Variants in SPOCK1 observed in about 807,000 individuals in gnomAD.
SPOCK1 encodes SPARC (osteonectin), cwcv and kazal like domains proteoglycan 1.
SPOCK1 carries 23 observed loss-of-function variants against 55.3 expected under a neutral mutation model. The observed-to-expected ratio is 0.42, with a 90% CI of 0.30 to 0.59. The LOEUF (loss-of-function observed/expected upper bound fraction) is 0.59, where lower values mean the gene tolerates loss of function less well. SPOCK1 is among the 20% of genes least tolerant of loss of function. SPOCK1 has a pLI of 0.22. For synonymous variants in SPOCK1, 226 were observed against 221.0 expected, an observed-to-expected ratio of 1.02 and a Z score of -0.20; for missense variants, 499 against 552.5, an observed-to-expected ratio of 0.90 and a Z score of 0.97.
intron 3 of SPOCK1, among the ~76,000 whole-genome samples, chr5:137,237,404 G>T (rs2127097875): frequency 6.6e-6 from 1 of 152,258 alleles, no homozygotes; most frequent in Admixed American, 6.5e-5. Context: ...GCCATATATG[G>T]AAAATGTACA....
intron 5 of SPOCK1, among the ~76,000 whole-genome samples, chr5:137,078,385 C>T (rs1465110637): frequency 6.6e-6 from 1 of 152,298 alleles, no homozygotes; most frequent in East Asian, 1.9e-4. Flanking sequence ...GCTGCCTGTT[C>T]CCCACTGGCT....
At position 137,420,033 on chromosome 5, in the gene SPOCK1, T is replaced by C. The variant is rs549484381; in HGVS notation, c.186+78340A>G. On this transcript the variant is annotated intron_variant, in intron 2 of 10. Transcript: ENST00000394945. The stretch of plus-strand genomic sequence containing the variant: ...TGTGTTGAATTTTGTCAAAGGCCTT[T>C]TCTGCATCTATTGAGATAATCATAT... Among the ~76,000 whole-genome samples the C allele has an allele frequency of 5.7e-3, 861 of 152,368 alleles. 5 individuals are homozygous for C. Among genetic ancestry groups the C allele is most frequent in the Non-Finnish European group, 9.4e-3 (639 of 68,034 alleles).
chr5:137,307,484 G>A (rs1757717548), intron 2 of SPOCK1, among the ~76,000 whole-genome samples: 2 of 152,198 alleles, frequency 1.3e-5, no homozygotes, highest in Non-Finnish European at 2.9e-5. Flanking sequence ...CTATGCTGAA[G>A]CTTCTCTTCT....
chr5:137,328,588 A>C (rs1297844700), intron 2 of SPOCK1, among the ~76,000 whole-genome samples: 1 of 152,216 alleles, frequency 6.6e-6, no homozygotes, highest in Non-Finnish European at 1.5e-5. Flanking sequence ...TGCAGAACAC[A>C]GCTCTAACAG....
Position 137,063,053 on chromosome 5 carries a change from T to C in SPOCK1, c.589+4662A>G, listed in dbSNP as rs1350563982. Among the ~76,000 whole-genome samples, 4 of 16,314 alleles carry C rather than the reference T, an allele frequency of 2.5e-4. 1 individual carries two copies. The highest frequency in any genetic ancestry group is 8.1e-5 in the African/African-American group (1 of 12,340). The allele number at this position is 16,314 out of a possible 152,430, so 10.7% of individuals were successfully genotyped here. ...ATCGAGACCATCCTGGCTAACAAGG[T>C]GAAACCCGTCTCTACTAAAAATACA... is the stretch of plus-strand genomic sequence containing the variant. On this transcript the variant is annotated intron_variant, in intron 6 of 10. Coordinates refer to ENST00000394945, the MANE Select transcript of SPOCK1 (RefSeq NM_004598.4).
At chr5:137,180,775 A>G (rs1402821656) in intron 3 of SPOCK1, among the ~76,000 whole-genome samples, 2 of 152,192 alleles carry the variant, frequency 1.3e-5, no homozygotes, top group African/African-American at 4.8e-5. Context: ...AGTCTCTGAC[A>G]AACAGTCTCA....
intron 2 of SPOCK1, among the ~76,000 whole-genome samples, chr5:137,332,522 G>A (rs1016743654): frequency 1.3e-5 from 2 of 152,116 alleles, no homozygotes; most frequent in Non-Finnish European, 2.9e-5. Context: ...ATCTCAACAG[G>A]CCCTGTATGA....
intron 2 of SPOCK1, among the ~76,000 whole-genome samples, chr5:137,408,731 G>A (rs1051688755): frequency 6.6e-6 from 1 of 152,078 alleles, no homozygotes; most frequent in African/African-American, 2.4e-5. Flanking sequence ...CATGGTAAAG[G>A]ACACCAGCCT....
At chr5:137,323,322 TGGAAAA>T (rs1419096469) in intron 2 of SPOCK1, among the ~76,000 whole-genome samples, 1 of 152,066 alleles carries the variant, frequency 6.6e-6, no homozygotes, top group African/African-American at 2.4e-5. Context: ...AGTGAAAGGG[TGGAAAA>T]AGATATTCCA....
chr5:137,452,450 C>T (rs1561539639), intron 2 of SPOCK1, among the ~76,000 whole-genome samples: 1 of 152,254 alleles, frequency 6.6e-6, no homozygotes, highest in African/African-American at 2.4e-5. Context: ...TCCCCATTTG[C>T]ATTGACTATT....
chr5:137,394,812 G>A (rs923311976), intron 2 of SPOCK1, among the ~76,000 whole-genome samples: 1 of 152,234 alleles, frequency 6.6e-6, no homozygotes, highest in Non-Finnish European at 1.5e-5. Context: ...GAGTGAGTCT[G>A]TAAGGCTCAT....
intron 6 of SPOCK1, among the ~76,000 whole-genome samples, chr5:137,031,275 G>C (rs1751773937): frequency 6.6e-6 from 1 of 152,142 alleles, no homozygotes; most frequent in African/African-American, 2.4e-5. Flanking sequence ...TTCAAAGGCA[G>C]AATTCTTTCC....
chr5:137,204,313 G>A (rs57017295), intron 3 of SPOCK1, among the ~76,000 whole-genome samples: 5,214 of 152,248 alleles, frequency 0.034, 169 homozygotes, highest in East Asian at 0.13. Context: ...TTGTAAACCT[G>A]ATGGAACAAA....
intron 3 of SPOCK1, among the ~76,000 whole-genome samples, chr5:137,172,664 G>T (rs923512043): frequency 6.6e-6 from 1 of 152,042 alleles, no homozygotes; most frequent in African/African-American, 2.4e-5. Flanking sequence ...TGAGGCCAAG[G>T]TGCTGTTTCT....
chr5:137,427,638 G>A (rs1375283880), intron 2 of SPOCK1, among the ~76,000 whole-genome samples: 3 of 152,142 alleles, frequency 2.0e-5, no homozygotes, highest in East Asian at 1.9e-4. Context: ...GGCTGGGCAC[G>A]ATGGCTCACA....
intron 3 of SPOCK1, among the ~76,000 whole-genome samples, chr5:137,184,062 C>T (rs568865797): frequency 6.6e-6 from 1 of 152,160 alleles, no homozygotes; most frequent in African/African-American, 2.4e-5. Context: ...AAGGTGTGGC[C>T]TTAGGATTTA....
chr5:137,423,181 G>A (rs1341428417), intron 2 of SPOCK1, among the ~76,000 whole-genome samples: 7 of 152,224 alleles, frequency 4.6e-5, no homozygotes, highest in African/African-American at 1.7e-4. Flanking sequence ...TGTGTGAGGT[G>A]TCAGTCTGCC....
At chr5:137,355,311 G>A (rs2127162880) in intron 2 of SPOCK1, among the ~76,000 whole-genome samples, 1 of 152,308 alleles carries the variant, frequency 6.6e-6, no homozygotes, top group South Asian at 2.1e-4. Context: ...TCCTGCCTCA[G>A]CCTCCAGAGT....
At chr5:137,480,343 A>T (rs1324638682) in intron 2 of SPOCK1, among the ~76,000 whole-genome samples, 4 of 146,642 alleles carry the variant, frequency 2.7e-5, no homozygotes, top group African/African-American at 7.8e-5. Flanking sequence ...ACACACACAC[A>T]CTCATTCACT....
Sources: gnomAD v4.1 joint callset for allele counts (sites outside exome capture counted in the v4.1 genomes callset) on GRCh38, gnomAD v4.1.1 for gene constraint, MANE v1.5 for transcripts, NCBI Gene and HGNC (gene_info 2026-07-23, HGNC 2026-07-21) for gene names.